Variants in RFX4 observed in about 807,000 individuals in gnomAD.
RFX4 encodes transcription factor RFX4.
Under a neutral mutation model 95.0 loss-of-function variants are expected in RFX4, and 10 were observed. That is an observed-to-expected ratio of 0.11 (90% CI 0.06 to 0.18). The LOEUF (loss-of-function observed/expected upper bound fraction) is 0.18, where lower values mean the gene tolerates loss of function less well. RFX4 is among the 10% of genes least tolerant of loss of function. The pLI is 1.00. For missense variants in RFX4, 640 were observed against 922.0 expected, an observed-to-expected ratio of 0.69 and a Z score of 3.96; for synonymous variants, 321 against 340.7, an observed-to-expected ratio of 0.94 and a Z score of 0.64.
intron 8 of RFX4, among the ~76,000 whole-genome samples, chr12:106,697,168 C>T (rs2041896953): frequency 6.6e-6 from 1 of 152,140 alleles, no homozygotes; most frequent in African/African-American, 2.4e-5. Context: ...AACCTGTGCT[C>T]CGAGCCTTAG....
intron 2 of RFX4, among the ~76,000 whole-genome samples, chr12:106,637,556 G>A (rs1235752865): frequency 6.6e-6 from 1 of 151,400 alleles, no homozygotes. Flanking sequence ...GATAATATTT[G>A]TAGGCTTTGA....
chr12:106,603,105 T>G (rs2039745480), intron 1 of RFX4, among the ~76,000 whole-genome samples: 1 of 152,204 alleles, frequency 6.6e-6, no homozygotes, highest in African/African-American at 2.4e-5. Flanking sequence ...AATGAATAAA[T>G]GGATGCAGGG....
In RFX4 at chr12:106,715,522, G is replaced by A; in HGVS notation, c.1116G>A (p.Glu372=). 1.9e-6 allele frequency: 3 copies of A among 1,614,172 alleles called. No homozygotes were observed. The highest frequency in any genetic ancestry group is 2.5e-6 in the Non-Finnish European group (3 of 1,180,018). ...TLYTMEDSRD[E]HRKLITQLYQ... is the part of the protein sequence containing the mutation. ...ACACCATGGAAGACTCTCGCGATGA[G>A]CACCGGAAACTCATCACCCAATGTA... Residue 372 remains glutamate, a synonymous_variant, in exon 11 of 18, where the codon GAG becomes GAA. Transcript: ENST00000392842.
At chr12:106,600,643 C>T (rs1286434239) in intron 1 of RFX4, among the ~76,000 whole-genome samples, 9 of 152,132 alleles carry the variant, frequency 5.9e-5, no homozygotes, top group African/African-American at 1.2e-4. Flanking sequence ...AGCTTCTTAG[C>T]GCACTTGGAA....
At chr12:106,671,652 C>T (rs2041282906) in intron 4 of RFX4, among the ~76,000 whole-genome samples, 1 of 151,896 alleles carries the variant, frequency 6.6e-6, no homozygotes, top group African/African-American at 2.4e-5. Flanking sequence ...TGTTTTCCTT[C>T]TTTCTTTTCT....
At chr12:106,682,086 G>T (rs748273668) in intron 5 of RFX4, 32 bp downstream of exon 5, 1 of 1,612,164 alleles carries the variant, frequency 6.2e-7, no homozygotes, top group East Asian at 2.2e-5. Context: ...CACCTGCAGA[G>T]CGCACATCTA....
chr12:106,613,026 T>A (rs2039993994), intron 2 of RFX4, among the ~76,000 whole-genome samples: 1 of 152,004 alleles, frequency 6.6e-6, no homozygotes, highest in African/African-American at 2.4e-5. Flanking sequence ...AAGCTTTCAG[T>A]CTTTCACCAT....
intron 1 of RFX4, among the ~76,000 whole-genome samples, chr12:106,602,965 C>A (rs1183018082): frequency 2.0e-5 from 3 of 152,120 alleles, no homozygotes; most frequent in Non-Finnish European, 4.4e-5. Context: ...AACAAAAAAA[C>A]CCAAGATACT....
At position 106,586,252 on chromosome 12, in the gene RFX4, C is replaced by T. The variant is rs912458613; in HGVS notation, c.43+2889C>T. ...TTGCAGTAAGCGCAGGCGCGCGTCC[C>T]GCTCGGCCCGCGCTACAGCCCCACG... On this transcript the variant is annotated intron_variant, in intron 1 of 17. Transcript: ENST00000392842. The surrounding 1 kb of genome is among the most constrained non-coding windows in gnomAD (Gnocchi z 5.6). 6.6e-6 allele frequency among the ~76,000 whole-genome samples: 1 copy of T among 152,074 alleles called. No individual in the cohort carries two copies. Among genetic ancestry groups the T allele is most frequent in the Non-Finnish European group, 1.5e-5 (1 of 67,996 alleles).
At chr12:106,654,196 A>AT (rs2040911797) in intron 3 of RFX4, 32 bp from the exon 4 acceptor site, 8 of 1,613,404 alleles carry the variant, frequency 5.0e-6, no homozygotes, top group Admixed American at 1.7e-5. Flanking sequence ...AAGGTAACAC[A>AT]TTTTTTGCTC....
At chr12:106,761,071 C>T in intron 17 of RFX4, 126 bp from the exon 18 acceptor site, 1 of 1,039,254 alleles carries the variant, frequency 9.6e-7, no homozygotes, top group Non-Finnish European at 1.4e-6. Context: ...TTCAGTGATT[C>T]TTCTCCATCA....
At chr12:106,688,155 C>T (rs1268800105) in intron 6 of RFX4, among the ~76,000 whole-genome samples, 1 of 150,522 alleles carries the variant, frequency 6.6e-6, no homozygotes, top group Non-Finnish European at 1.5e-5. Context: ...CTGCAACCTC[C>T]GCCTCCCAGG....
Position 106,715,618 on chromosome 12 carries a change from G to A in RFX4, c.1138+74G>A, listed in dbSNP as rs188594421. Reference sequence around the variant, plus strand: ...AAGAAAAAGTGTCTTAGTAAATACCGAAGTGGCATCCCCACCCTGTTCTTC... The same window carrying A: ...AAGAAAAAGTGTCTTAGTAAATACCAAAGTGGCATCCCCACCCTGTTCTTC... On this transcript the variant is annotated intron_variant, in intron 11 of 17. Coordinates refer to ENST00000392842, the MANE Select transcript of RFX4 (RefSeq NM_213594.3). 1.4e-4 allele frequency: 215 copies of A among 1,541,116 alleles called. 1 individual carries two copies. In the African/African-American group the frequency reaches 2.6e-3, roughly 19 times the overall value.
intron 15 of RFX4, among the ~76,000 whole-genome samples, chr12:106,734,623 A>G (rs1270323927): frequency 5.9e-5 from 9 of 151,754 alleles, no homozygotes; most frequent in South Asian, 2.1e-4. Flanking sequence ...ATATGGATAT[A>G]TATTACCACA....
chr12:106,701,070 T>C (rs1208440752), intron 8 of RFX4, among the ~76,000 whole-genome samples: 1 of 152,228 alleles, frequency 6.6e-6, no homozygotes, highest in Admixed American at 6.5e-5. Context: ...ATATTGCAGG[T>C]CTAGTGGTAA....
chr12:106,584,428 G>A (rs767102210), intron 1 of RFX4, among the ~76,000 whole-genome samples: 25 of 152,166 alleles, frequency 1.6e-4, no homozygotes, highest in Non-Finnish European at 2.6e-4. Flanking sequence ...TAGGGCAGTG[G>A]ACTCAGCCTG....
chr12:106,684,541 G>A (rs553232214), intron 5 of RFX4: 15 of 352,498 alleles, frequency 4.3e-5, no homozygotes, highest in Non-Finnish European at 7.2e-5. Flanking sequence ...TTTTAGCTAC[G>A]TGATCTCTGA....
At chr12:106,745,014 C>G (rs2137600116) in intron 15 of RFX4, among the ~76,000 whole-genome samples, 1 of 152,264 alleles carries the variant, frequency 6.6e-6, no homozygotes, top group East Asian at 1.9e-4. Context: ...CTTAGTGCTC[C>G]TAACTATTCA....
Position 106,674,503 on chromosome 12 carries a change from G to A in RFX4, c.316-7490G>A, listed in dbSNP as rs984914778. Among the ~76,000 whole-genome samples, 11 of 151,850 alleles carry A rather than the reference G, an allele frequency of 7.2e-5. No individual in the cohort carries two copies. In the East Asian group the frequency reaches 7.7e-4, roughly 11 times the overall value. On this transcript the variant is annotated intron_variant, in intron 4 of 17. Transcript: ENST00000392842. ...GCACCACCACGCCAAACTAATTTGC[G>A]TATTTTTAGTAGAGACGGGGTTTCA... is the stretch of plus-strand genomic sequence containing the variant.
Sources: gnomAD v4.1 joint callset for allele counts (sites outside exome capture counted in the v4.1 genomes callset) on GRCh38, gnomAD v4.1.1 for gene constraint, Gnocchi (gnomAD v3.1) non-coding constraint, MANE v1.5 for transcripts, NCBI Gene and HGNC (gene_info 2026-07-23, HGNC 2026-07-21) for gene names.